Variants in FERRY3 observed in about 807,000 individuals in gnomAD.
FERRY3 encodes the protein FERRY endosomal RAB5 effector complex subunit 3.
the FERRY3 span, among the ~76,000 whole-genome samples, chr12:4,510,120 C>A: frequency 7.2e-6 from 1 of 139,280 alleles, no homozygotes; most frequent in African/African-American, 3.1e-5. Context: ...GGAGCCGATG[C>A]GATCAACTGG....
At chr12:4,503,234 CAGT>C in the FERRY3 span, among the ~76,000 whole-genome samples, 1 of 152,046 alleles carries the variant, frequency 6.6e-6, no homozygotes, top group Non-Finnish European at 1.5e-5. Flanking sequence ...ATGGGGCTGG[CAGT>C]AGTAATCAAA....
chr12:4,497,279 T>C, the FERRY3 span, among the ~76,000 whole-genome samples: 1 of 152,136 alleles, frequency 6.6e-6, no homozygotes, highest in Non-Finnish European at 1.5e-5. Context: ...AAGCCAGATA[T>C]AAGATAAACA....
At chr12:4,501,452 C>A in the FERRY3 span, among the ~76,000 whole-genome samples, 1 of 152,176 alleles carries the variant, frequency 6.6e-6, no homozygotes, top group Non-Finnish European at 1.5e-5. Flanking sequence ...GAGCAGCCAG[C>A]AAGCAAGTGA....
At chr12:4,531,596 G>A in the FERRY3 span, among the ~76,000 whole-genome samples, 1 of 152,334 alleles carries the variant, frequency 6.6e-6, no homozygotes, top group African/African-American at 2.4e-5. Context: ...CGGCTGAGAG[G>A]AATGGGGCAC....
chr12:4,489,587 G>C, the FERRY3 span: 1 of 333,708 alleles, frequency 3.0e-6, no homozygotes, highest in African/African-American at 2.1e-5. Flanking sequence ...GAAAAAAAGA[G>C]AAATTCATAA....
chr12:4,500,369 C>G, the FERRY3 span: 2 of 1,585,196 alleles, frequency 1.3e-6, no homozygotes, highest in Non-Finnish European at 1.7e-6. Context: ...ATCATGATTA[C>G]CAAATGCCTA....
chr12:4,536,959 T>C, the FERRY3 span, among the ~76,000 whole-genome samples: 1 of 152,242 alleles, frequency 6.6e-6, no homozygotes, highest in Non-Finnish European at 1.5e-5. Flanking sequence ...GGAATATACT[T>C]ATCTGATCAT....
At chr12:4,532,201 C>A in the FERRY3 span, among the ~76,000 whole-genome samples, 1 of 151,620 alleles carries the variant, frequency 6.6e-6, no homozygotes, top group East Asian at 1.9e-4. Context: ...AGATTGGACA[C>A]CCCTGGTCCA....
At chr12:4,527,198 G>T in the FERRY3 span, among the ~76,000 whole-genome samples, 1 of 152,006 alleles carries the variant, frequency 6.6e-6, no homozygotes, top group African/African-American at 2.4e-5. Context: ...AAAGTTTAAA[G>T]AAATATCTAG....
At chr12:4,518,351 T>A in the FERRY3 span, 2 of 1,105,098 alleles carry the variant, frequency 1.8e-6, no homozygotes, top group Non-Finnish European at 2.6e-6. Flanking sequence ...TCCAGATAAA[T>A]CTGTACCACA....
At chr12:4,489,623 G>T in the FERRY3 span, 33 of 423,246 alleles carry the variant, frequency 7.8e-5, no homozygotes, top group Non-Finnish European at 1.2e-4. Flanking sequence ...TTAAGTTAGG[G>T]GTTGATCACC....
chr12:4,531,563 T>C, the FERRY3 span, among the ~76,000 whole-genome samples: 1 of 152,146 alleles, frequency 6.6e-6, no homozygotes, highest in Non-Finnish European at 1.5e-5. Context: ...TCAGGACAGA[T>C]GCTACTAGAA....
the FERRY3 span, chr12:4,525,255 T>A: frequency 6.2e-7 from 1 of 1,613,116 alleles, no homozygotes. Context: ...AGTTAATACC[T>A]AAGGGAGCTG....
chr12:4,491,436 A>G, the FERRY3 span, among the ~76,000 whole-genome samples: 1 of 152,166 alleles, frequency 6.6e-6, no homozygotes, highest in African/African-American at 2.4e-5. Context: ...ATACAAACTA[A>G]TTTAGTTAGC....
the FERRY3 span, chr12:4,489,662 T>C: frequency 4.5e-5 from 24 of 533,372 alleles, no homozygotes; most frequent in African/African-American, 4.3e-4. Context: ...ATTTTTGGAA[T>C]GGTTTCACAC....
the FERRY3 span, among the ~76,000 whole-genome samples, chr12:4,503,867 T>TA: frequency 0.042 from 6,304 of 151,424 alleles, 439 homozygotes; most frequent in African/African-American, 0.14. Context: ...GAGTTATGTT[T>TA]AAAAAAAAAC....
the FERRY3 span, chr12:4,525,300 T>G: frequency 2.5e-6 from 4 of 1,613,698 alleles, no homozygotes; most frequent in Non-Finnish European, 3.4e-6. Context: ...TGAAGTTTTA[T>G]TACCCATTCT....
At chr12:4,519,669 C>T in the FERRY3 span, among the ~76,000 whole-genome samples, 1 of 152,242 alleles carries the variant, frequency 6.6e-6, no homozygotes, top group Non-Finnish European at 1.5e-5. The surrounding 1 kb of genome is among the most constrained non-coding windows in gnomAD (Gnocchi z 4.3). Context: ...ATTCCCCGTA[C>T]AGGCCTGTTA....
the FERRY3 span, among the ~76,000 whole-genome samples, chr12:4,499,397 T>C: frequency 6.6e-6 from 1 of 152,306 alleles, no homozygotes; most frequent in East Asian, 1.9e-4. Flanking sequence ...CTATGACTTG[T>C]CTGGACCTGT....
Sources: allele counts gnomAD v4.1 joint callset (sites outside exome capture counted in the v4.1 genomes callset), GRCh38; gene constraint gnomAD v4.1.1; non-coding constraint Gnocchi (gnomAD v3.1); transcripts MANE v1.5; gene names NCBI Gene and HGNC (gene_info 2026-07-23, HGNC 2026-07-21).